Variants in SNTG1 observed in about 807,000 individuals in gnomAD.
SNTG1 encodes the protein syntrophin gamma 1.
SNTG1 carries 39 observed loss-of-function variants against 74.7 expected under a neutral mutation model. The observed-to-expected ratio is 0.52, with a 90% CI of 0.40 to 0.68. The LOEUF is 0.68. SNTG1 is among the 30% of genes least tolerant of loss of function. The pLI is 0.00. For synonymous variants in SNTG1, 254 were observed against 217.1 expected (o/e 1.17, Z -1.49); for missense variants, 685 against 609.5 (o/e 1.12, Z -1.30).
chr8:50,382,475 A>G (rs543192590), intron 2 of SNTG1, among the ~76,000 whole-genome samples: 7 of 152,326 alleles, frequency 4.6e-5, no homozygotes, highest in Non-Finnish European at 7.3e-5. Flanking sequence ...ACTATAAAAT[A>G]ATTTTTTGGA....
At chr8:50,176,940 TG>T (rs1322941347) in intron 2 of SNTG1, among the ~76,000 whole-genome samples, 9 of 152,130 alleles carry the variant, frequency 5.9e-5, no homozygotes, top group African/African-American at 2.2e-4. Flanking sequence ...GCTTCAGTCT[TG>T]GTGATTCCAT....
Position 50,796,575 on chromosome 8 carries a change from A to T in SNTG1, c.*3746A>T, listed in dbSNP as rs1338008181. The T allele has an allele frequency of 1.3e-5, 2 of 152,032 alleles. No individual in the cohort carries two copies. The highest frequency in any genetic ancestry group is 4.8e-5 in the African/African-American group (2 of 41,460). 9.4% of individuals were successfully genotyped at this position (152,032 alleles called of 1,614,324 possible). A position where few individuals can be genotyped will look rare whatever the true frequency, so the allele number is the denominator to read the frequency against. On this transcript the variant is annotated 3_prime_UTR_variant, in exon 19 of 19. Coordinates refer to ENST00000642720, the MANE Select transcript of SNTG1 (RefSeq NM_018967.5). ...GGTGGATGTTTGTAAAATGTAAATTAATATCTGTGACAAAAATTTGTCACT... is the reference window on the plus strand; with the variant it reads ...GGTGGATGTTTGTAAAATGTAAATTTATATCTGTGACAAAAATTTGTCACT...
chr8:50,603,840 C>T (rs1024821999), intron 13 of SNTG1, among the ~76,000 whole-genome samples: 1 of 152,180 alleles, frequency 6.6e-6, no homozygotes, highest in Non-Finnish European at 1.5e-5. Context: ...CCTCTCTGTG[C>T]TGATCAGCTT....
At chr8:50,215,891 A>AATT (rs1334487895) in intron 2 of SNTG1, among the ~76,000 whole-genome samples, 5 of 152,222 alleles carry the variant, frequency 3.3e-5, no homozygotes, top group African/African-American at 9.6e-5. Flanking sequence ...TATGCAGTTT[A>AATT]ATTGCAAAAC....
At chr8:50,532,523 C>G (rs908142447) in intron 10 of SNTG1, among the ~76,000 whole-genome samples, 1 of 152,198 alleles carries the variant, frequency 6.6e-6, no homozygotes, top group Non-Finnish European at 1.5e-5. Flanking sequence ...AAAAATTCAA[C>G]GTAAGTTGAG....
chr8:50,383,248 C>T (rs2092519124), intron 2 of SNTG1, among the ~76,000 whole-genome samples: 1 of 152,114 alleles, frequency 6.6e-6, no homozygotes, highest in South Asian at 2.1e-4. Flanking sequence ...TATGATACAA[C>T]AGTCCTTTGT....
At chr8:50,631,184 G>C (rs767243127) in intron 13 of SNTG1, among the ~76,000 whole-genome samples, 1 of 152,222 alleles carries the variant, frequency 6.6e-6, no homozygotes, top group Non-Finnish European at 1.5e-5. Flanking sequence ...AATGTTTCCA[G>C]TAGAAGTGAA....
intron 2 of SNTG1, among the ~76,000 whole-genome samples, chr8:50,186,640 T>C (rs1244107214): frequency 6.6e-6 from 1 of 152,172 alleles, no homozygotes; most frequent in African/African-American, 2.4e-5. Flanking sequence ...ATGAGCTTTT[T>C]TTCATATGTT....
intron 17 of SNTG1, among the ~76,000 whole-genome samples, chr8:50,715,200 A>G (rs544745840): frequency 1.3e-5 from 2 of 152,268 alleles, no homozygotes; most frequent in Admixed American, 1.3e-4. Context: ...GCTGCACGGG[A>G]TGTCACTGTA....
chr8:50,096,981 A>G (rs1242521986), intron 1 of SNTG1, among the ~76,000 whole-genome samples: 4 of 151,854 alleles, frequency 2.6e-5, no homozygotes, highest in Admixed American at 1.3e-4. Flanking sequence ...TATTATTATT[A>G]TTTTTTGAGA....
At chr8:50,351,766 G>A in intron 2 of SNTG1, among the ~76,000 whole-genome samples, 1 of 152,162 alleles carries the variant, frequency 6.6e-6, no homozygotes, top group East Asian at 1.9e-4. Flanking sequence ...GAAAACTCTG[G>A]AAAATAAATT....
At chr8:50,169,086 C>T (rs2082722551) in intron 1 of SNTG1, among the ~76,000 whole-genome samples, 1 of 152,090 alleles carries the variant, frequency 6.6e-6, no homozygotes, top group African/African-American at 2.4e-5. Context: ...TATTTTAAAA[C>T]ACTTATTTTC....
chr8:50,205,584 T>G (rs2084189564), intron 2 of SNTG1, among the ~76,000 whole-genome samples: 1 of 152,240 alleles, frequency 6.6e-6, no homozygotes, highest in Non-Finnish European at 1.5e-5. Context: ...AGATCCCATT[T>G]GTCCATTTTG....
At chr8:50,281,099 C>T (rs2088425363) in intron 2 of SNTG1, among the ~76,000 whole-genome samples, 1 of 151,674 alleles carries the variant, frequency 6.6e-6, no homozygotes, top group Non-Finnish European at 1.5e-5. Context: ...AACTGCAAGA[C>T]TATTTCAAAA....
chr8:50,173,415 A>G (rs2082880111), intron 2 of SNTG1, among the ~76,000 whole-genome samples: 1 of 152,156 alleles, frequency 6.6e-6, no homozygotes, highest in Non-Finnish European at 1.5e-5. Flanking sequence ...TGGCTTTAGT[A>G]AGATTCATCA....
At position 50,105,027 on chromosome 8, in the gene SNTG1, A is replaced by G. The variant is rs554232997; in HGVS notation, c.-102-67534A>G. Among the ~76,000 whole-genome samples the G allele has an allele frequency of 4.6e-5, 7 of 152,240 alleles. No homozygotes were observed. The South Asian group carries it at 1.4e-3, about 32-fold the overall frequency. On this transcript the variant is annotated intron_variant, in intron 1 of 18. Transcript: ENST00000642720. ...GTTGATGGTTTCTTTTGCTCTGCAG[A>G]AGCCTTTTAATTTAATTAGGTCATA...
At chr8:50,221,649 G>C (rs1183978888) in intron 2 of SNTG1, among the ~76,000 whole-genome samples, 1 of 151,992 alleles carries the variant, frequency 6.6e-6, no homozygotes, top group East Asian at 1.9e-4. Flanking sequence ...CGTGTATGCT[G>C]TATGTGTGAC....
At chr8:50,434,227 T>C (rs950247486) in intron 4 of SNTG1, among the ~76,000 whole-genome samples, 1 of 152,194 alleles carries the variant, frequency 6.6e-6, no homozygotes, top group Admixed American at 6.5e-5. Flanking sequence ...ACTCATCCTT[T>C]TTTATGGCTG....
chr8:50,763,327 G>A (rs896630692), intron 18 of SNTG1, among the ~76,000 whole-genome samples: 2 of 151,812 alleles, frequency 1.3e-5, no homozygotes, highest in East Asian at 1.9e-4. Context: ...TTTTAGAAAG[G>A]GGGTGTTTAG....
Sources: gnomAD v4.1 joint callset for allele counts (sites outside exome capture counted in the v4.1 genomes callset) on GRCh38, gnomAD v4.1.1 for gene constraint, MANE v1.5 for transcripts, NCBI Gene and HGNC (gene_info 2026-07-23, HGNC 2026-07-21) for gene names.